Variants in GINM1 observed in about 807,000 individuals in gnomAD.
The protein encoded by GINM1 is glycoprotein integral membrane protein 1.
A neutral mutation model predicts 37.8 loss-of-function variants in GINM1; 29 were observed. The ratio of observed to expected loss-of-function variants is 0.77; its 90% CI spans 0.57 to 1.05. The LOEUF (loss-of-function observed/expected upper bound fraction) is 1.05. Ranked by LOEUF, GINM1 falls within the 50% of genes least tolerant of loss-of-function variation. The probability of loss-of-function intolerance (pLI) is 0.00; values close to 1 mark genes in which losing one functional copy is unlikely to be tolerated. For synonymous variants in GINM1, 143 were observed against 146.2 expected (o/e 0.98, Z 0.16); for missense variants, 377 against 397.9 (o/e 0.95, Z 0.45).
chr6:149,590,948 G>T lies in GINM1; in HGVS notation c.*110G>T. 1 of 613,528 alleles carries T rather than the reference G, an allele frequency of 1.6e-6. No individual in the cohort carries two copies. The allele number at this position is 613,528 out of a possible 1,614,324, so 38.0% of individuals were successfully genotyped here. ...AATCAGTTTATACACTAGAGAAATT[G>T]CTAAACTCTAAGACTGCCTGAAAAT... is the stretch of plus-strand genomic sequence containing the variant. On this transcript the variant is annotated 3_prime_UTR_variant, in exon 8 of 8. Coordinates refer to ENST00000367419, the MANE Select transcript of GINM1 (RefSeq NM_138785.5).
chr6:149,566,861 G>T lies in GINM1; in HGVS notation c.120+327G>T, dbSNP rs909818688. Among the ~76,000 whole-genome samples, 9 of 152,250 alleles carry T rather than the reference G, an allele frequency of 5.9e-5. No individual in the cohort carries two copies. Among genetic ancestry groups the T allele is most frequent in the Admixed American group, 4.6e-4 (7 of 15,292 alleles). On this transcript the variant is annotated intron_variant, in intron 1 of 7. Coordinates refer to ENST00000367419, the MANE Select transcript of GINM1 (RefSeq NM_138785.5). The surrounding 1 kb of genome is among the most constrained non-coding windows in gnomAD (Gnocchi z 4.4). ...CCGGTGATCAGGCCTTCGTAATGGCGCCTTCCCGGGGTAGAGCCAGCGCTT... is the reference window on the plus strand; with the variant it reads ...CCGGTGATCAGGCCTTCGTAATGGCTCCTTCCCGGGGTAGAGCCAGCGCTT...
At chr6:149,573,139 A>G (rs1777856497) in intron 3 of GINM1, among the ~76,000 whole-genome samples, 1 of 152,058 alleles carries the variant, frequency 6.6e-6, no homozygotes, top group African/African-American at 2.4e-5. Flanking sequence ...ACTGGCCAAC[A>G]CGGTGAAACC....
chr6:149,583,158 C>T lies in GINM1; in HGVS notation c.881+555C>T, dbSNP rs190019281. On this transcript the variant is annotated intron_variant, in intron 7 of 7. Coordinates refer to ENST00000367419, the MANE Select transcript of GINM1 (RefSeq NM_138785.5). ...CCTGGCCAACATGGTAAAACCCCAT[C>T]TCTACTAAAAATAAAAAAAAATTAG... Among the ~76,000 whole-genome samples, 641 of 152,102 alleles carry T rather than the reference C, an allele frequency of 4.2e-3. 6 individuals carry two copies. Among genetic ancestry groups the T allele is most frequent in the Middle Eastern group, 6.8e-3 (2 of 294 alleles).
chr6:149,570,920 T>C (rs565261613), intron 1 of GINM1, among the ~76,000 whole-genome samples: 8 of 152,342 alleles, frequency 5.3e-5, no homozygotes, highest in Non-Finnish European at 1.2e-4. Flanking sequence ...ATAAAGCATG[T>C]CATCTTCAAT....
Position 149,566,455 on chromosome 6 carries a change from T to C in GINM1, c.41T>C (p.Leu14Pro). Residue 14 changes from leucine (L) to proline (P), a missense_variant, in exon 1 of 8, where the codon CTG becomes CCG. By Grantham distance (98) the Leu-to-Pro change is moderately conservative. Transcript: ENST00000367419. This position sits in a 1 kb window ranked among gnomAD's most constrained non-coding sequence, Gnocchi z 4.4. Reference sequence around the variant, plus strand: ...CCGGGGTCGCTCGCCCTCCGGCTCCTGCTGTTCGTGGCGCTACCCGCCTCC... The same window carrying C: ...CCGGGGTCGCTCGCCCTCCGGCTCCCGCTGTTCGTGGCGCTACCCGCCTCC... ...APPGSLALRL[L>P]LFVALPASGW... The C allele has an allele frequency of 6.3e-7, 1 of 1,574,964 alleles. No homozygotes were observed. The highest frequency in any genetic ancestry group is 2.3e-5 in the East Asian group (1 of 42,726).
intron 7 of GINM1, among the ~76,000 whole-genome samples, chr6:149,587,351 A>C (rs1778084639): frequency 6.6e-6 from 1 of 152,198 alleles, no homozygotes; most frequent in South Asian, 2.1e-4. Flanking sequence ...ACAGCGTCAG[A>C]TCCCACAGGC....
chr6:149,570,803 A>G (rs975881922), intron 1 of GINM1, among the ~76,000 whole-genome samples: 3 of 152,236 alleles, frequency 2.0e-5, no homozygotes, highest in East Asian at 1.9e-4. Context: ...CAGAATAACA[A>G]TGTCTATTTG....
chr6:149,591,711 CTAAAA>C lies in GINM1; in HGVS notation c.*878_*882del, dbSNP rs1778156924. The C allele has an allele frequency of 7.0e-6, 1 of 141,850 alleles. No homozygotes were observed. The highest frequency in any genetic ancestry group is 1.5e-5 in the Non-Finnish European group (1 of 66,774). The allele number at this position is 141,850 out of a possible 1,614,324, so 8.8% of individuals were successfully genotyped here. On this transcript the variant is annotated 3_prime_UTR_variant, in exon 8 of 8. Transcript: ENST00000367419. ...AAAAGTAGTATGACATGTTCTCACT[CTAAAA>C]TAAACTTTTTTTTTTTTTTTTTGAG...
Position 149,574,120 on chromosome 6 carries a change from G to A in GINM1, c.277+1517G>A, listed in dbSNP as rs146224253. On this transcript the variant is annotated intron_variant, in intron 3 of 7. Transcript: ENST00000367419. ...GGCTGGAATGCAGTGGCGCGATCTCGGCTCCCTGCAACCTCCTCCTCCTGG... is the reference window on the plus strand; with the variant it reads ...GGCTGGAATGCAGTGGCGCGATCTCAGCTCCCTGCAACCTCCTCCTCCTGG... Among the ~76,000 whole-genome samples, 1,236 of 147,800 alleles carry A rather than the reference G, an allele frequency of 8.4e-3. 20 individuals carry two copies. Among genetic ancestry groups the A allele is most frequent in the African/African-American group, 0.029 (1,166 of 39,994 alleles).
intron 1 of GINM1, among the ~76,000 whole-genome samples, chr6:149,571,200 A>C (rs750082617): frequency 2.6e-5 from 4 of 152,026 alleles, no homozygotes; most frequent in African/African-American, 4.8e-5. Context: ...CTGTAATCCC[A>C]GCTACTCAGA....
In GINM1 at chr6:149,573,500, A is replaced by G. The variant is rs1295491989; in HGVS notation, c.277+897A>G. Among the ~76,000 whole-genome samples the G allele has an allele frequency of 2.0e-5, 3 of 152,192 alleles. No individual in the cohort carries two copies. The East Asian group carries it at 5.8e-4, about 29-fold the overall frequency. ...GTGTTTAAAACTCTGTTCTTGTTTTATATTGGCTGCTTCTCGCATATTCAC... is the reference window on the plus strand; with the variant it reads ...GTGTTTAAAACTCTGTTCTTGTTTTGTATTGGCTGCTTCTCGCATATTCAC... On this transcript the variant is annotated intron_variant, in intron 3 of 7. Transcript: ENST00000367419.
rs1778146893 is a variant in GINM1, at chr6:149,591,031, A to G, written c.*193A>G. The G allele has an allele frequency of 2.0e-6, 1 of 501,790 alleles. No homozygotes were observed. Among genetic ancestry groups the G allele is most frequent in the African/African-American group, 1.9e-5 (1 of 51,282 alleles). 31.1% of individuals were successfully genotyped at this position (501,790 alleles called of 1,614,324 possible). A position where few individuals can be genotyped will look rare whatever the true frequency, so the allele number is the denominator to read the frequency against. On this transcript the variant is annotated 3_prime_UTR_variant, in exon 8 of 8. Coordinates refer to ENST00000367419, the MANE Select transcript of GINM1 (RefSeq NM_138785.5). ...TATTCTCGGCCGGGTGCAGTGGCTC[A>G]TGCCTGTAATCCCAGGACTTTGGGA...
intron 1 of GINM1, among the ~76,000 whole-genome samples, chr6:149,570,058 C>T (rs1777785971): frequency 6.8e-6 from 1 of 146,628 alleles, no homozygotes; most frequent in South Asian, 2.2e-4. Context: ...TTTTGTTGTA[C>T]TTGGTTCTCT....
At position 149,572,194 on chromosome 6, in the gene GINM1, A is replaced by T. The variant is rs144747991; in HGVS notation, c.121-91A>T. 29 of 710,394 alleles carry T rather than the reference A, an allele frequency of 4.1e-5. 1 individual carries two copies. The African/African-American group carries it at 4.1e-4, about 10-fold the overall frequency. The allele number at this position is 710,394 out of a possible 1,614,324, so 44.0% of individuals were successfully genotyped here. On this transcript the variant is annotated intron_variant, in intron 1 of 7. Coordinates refer to ENST00000367419, the MANE Select transcript of GINM1 (RefSeq NM_138785.5). The stretch of plus-strand genomic sequence containing the variant: ...TTAATGCTGTTATAAGTGATTGTAC[A>T]ATAGATACAATTGGAGGGAAAAGAG...
At position 149,582,515 on chromosome 6, in the gene GINM1, C is replaced by G; in HGVS notation, c.793C>G (p.Gln265Glu). The stretch of plus-strand genomic sequence containing the variant: ...GAGCAACGTTTTCCCAGTATTCTTT[C>G]AGTTTTTGAACATCATGGTGGTTGG... ...FWSNVFPVFF[Q>E]FLNIMVVGIT... Residue 265 changes from glutamine to glutamate, a missense_variant, in exon 7 of 8, where the codon CAG becomes GAG. Transcript: ENST00000367419. The G allele has an allele frequency of 6.2e-7, 1 of 1,612,606 alleles. No individual in the cohort carries two copies. Among genetic ancestry groups the G allele is most frequent in the Middle Eastern group, 1.7e-4 (1 of 6,056 alleles).
In GINM1 at chr6:149,579,828, T is replaced by C. The variant is rs375842012; in HGVS notation, c.430-6T>C. 1.1e-4 allele frequency: 177 copies of C among 1,562,360 alleles called. No individual in the cohort carries two copies. The highest frequency in any genetic ancestry group is 1.4e-4 in the Non-Finnish European group (167 of 1,152,694). On this transcript the variant is annotated splice_polypyrimidine_tract_variant and splice_region_variant and intron_variant, in intron 4 of 7. Transcript: ENST00000367419. ...AAATAAAGAATAATTATATTTTCTT[T>C]CACAGGTTCAGCAAAAGGATGTCAC... is the stretch of plus-strand genomic sequence containing the variant.
chr6:149,586,957 T>A (rs191056203), intron 7 of GINM1, among the ~76,000 whole-genome samples: 26 of 152,214 alleles, frequency 1.7e-4, no homozygotes, highest in South Asian at 8.3e-4. Context: ...CTAATTTTTT[T>A]AATTTATTTT....
chr6:149,572,078 A>AAAATAAATAAAT (rs35334853), intron 1 of GINM1, among the ~76,000 whole-genome samples: 10 of 150,170 alleles, frequency 6.7e-5, no homozygotes, highest in African/African-American at 1.7e-4. Flanking sequence ...AGACTCTCAA[A>AAAATAAATAAAT]AAATAAATAA....
chr6:149,584,962 A>G (rs1006196065), intron 7 of GINM1, among the ~76,000 whole-genome samples: 13 of 152,012 alleles, frequency 8.6e-5, no homozygotes, highest in Non-Finnish European at 1.6e-4. Flanking sequence ...TGCCTGGCCA[A>G]GCATTTTCTT....
Sources: gnomAD v4.1 joint callset for allele counts (sites outside exome capture counted in the v4.1 genomes callset) on GRCh38, gnomAD v4.1.1 for gene constraint, Gnocchi (gnomAD v3.1) non-coding constraint, MANE v1.5 for transcripts, NCBI Gene and HGNC (gene_info 2026-07-23, HGNC 2026-07-21) for gene names.